Variants in MCCC1 observed in about 807,000 individuals in gnomAD.
MCCC1 encodes the protein methylcrotonoyl-CoA carboxylase subunit alpha, mitochondrial.
A neutral mutation model predicts 83.8 loss-of-function variants in MCCC1; 64 were observed. The observed-to-expected ratio is 0.76, with a 90% CI of 0.62 to 0.94. The LOEUF (loss-of-function observed/expected upper bound fraction) is 0.94. Among genes scored for constraint, MCCC1 ranks in the 40% least tolerant of loss-of-function variants. MCCC1 has a pLI of 0.00. For missense variants in MCCC1, 807 were observed against 904.7 expected, an observed-to-expected ratio of 0.89 and a Z score of 1.39; for synonymous variants, 322 against 315.4, an observed-to-expected ratio of 1.02 and a Z score of -0.22.
At chr3:183,049,339 C>T (rs1399452152) in intron 9 of MCCC1, among the ~76,000 whole-genome samples, 1 of 151,952 alleles carries the variant, frequency 6.6e-6, no homozygotes, top group African/African-American at 2.4e-5. Flanking sequence ...ACCTTGGCCA[C>T]AGCGGGCAGC....
intron 7 of MCCC1, among the ~76,000 whole-genome samples, chr3:183,060,399 A>G (rs938662939): frequency 5.3e-5 from 8 of 152,238 alleles, no homozygotes; most frequent in African/African-American, 9.6e-5. Flanking sequence ...ACTTAAGAAC[A>G]GAGGGGTAGA....
At chr3:183,065,887 T>C (rs1199573921) in intron 7 of MCCC1, among the ~76,000 whole-genome samples, 1 of 152,196 alleles carries the variant, frequency 6.6e-6, no homozygotes, top group Non-Finnish European at 1.5e-5. Context: ...TATAAAAGGT[T>C]TATGAGAACC....
chr3:183,090,962 A>G (rs1185444240), intron 3 of MCCC1: 2 of 456,550 alleles, frequency 4.4e-6, no homozygotes, highest in Non-Finnish European at 8.8e-6. Flanking sequence ...GGATGCAGAC[A>G]TAACTAAGTC....
chr3:183,105,083 G>C (rs966533136), intron 1 of MCCC1, among the ~76,000 whole-genome samples: 54 of 152,206 alleles, frequency 3.5e-4, no homozygotes, highest in African/African-American at 1.3e-3. Flanking sequence ...GGTGGCTCAC[G>C]CCTGTAATCC....
intron 4 of MCCC1, among the ~76,000 whole-genome samples, chr3:183,077,423 T>C (rs1416348354): frequency 2.6e-5 from 4 of 152,196 alleles, no homozygotes; most frequent in African/African-American, 9.6e-5. Context: ...TTTTTGATTA[T>C]AGCATCCTAG....
At position 183,015,416 on chromosome 3, in the gene MCCC1, C is replaced by T. The variant is rs1299712253; in HGVS notation, c.*22G>A. ...GGTGGAGAGAGAAGACACTACTTAA[C>T]TGGCCATTTCCTTGCTGGAGTTTAT... On this transcript the variant is annotated 3_prime_UTR_variant, in exon 19 of 19. Coordinates refer to ENST00000265594, the MANE Select transcript of MCCC1 (RefSeq NM_020166.5). The T allele has an allele frequency of 1.9e-6, 3 of 1,613,860 alleles. No individual in the cohort carries two copies. The highest frequency in any genetic ancestry group is 2.5e-6 in the Non-Finnish European group (3 of 1,179,856).
intron 18 of MCCC1, 112 bp downstream of exon 18, chr3:183,017,154 A>G (rs1400784095): frequency 1.0e-6 from 1 of 968,048 alleles, no homozygotes; most frequent in African/African-American, 1.6e-5. Flanking sequence ...TGCTTCGTCA[A>G]TCATGGCTTT....
upstream of MCCC1, among the ~76,000 whole-genome samples, chr3:183,102,442 T>G (rs1455166985): frequency 2.0e-5 from 3 of 152,158 alleles, no homozygotes; most frequent in Non-Finnish European, 4.4e-5. Context: ...GCAAGGTTTA[T>G]TCCAGAAGTA....
intron 4 of MCCC1, among the ~76,000 whole-genome samples, chr3:183,074,394 T>C (rs1716912875): frequency 6.6e-6 from 1 of 152,188 alleles, no homozygotes. Flanking sequence ...AAGACTTGGA[T>C]GATTTAATGA....
intron 1 of MCCC1, among the ~76,000 whole-genome samples, chr3:183,108,928 T>A (rs1474876966): frequency 3.9e-5 from 6 of 152,218 alleles, no homozygotes; most frequent in Non-Finnish European, 8.8e-5. Context: ...GCTGGGTTTT[T>A]AAAAAATTTT....
At chr3:183,105,719 T>C (rs984945575) in intron 1 of MCCC1, among the ~76,000 whole-genome samples, 1 of 152,094 alleles carries the variant, frequency 6.6e-6, no homozygotes, top group Non-Finnish European at 1.5e-5. Context: ...AAAAAAACTC[T>C]TACAAATAGA....
chr3:183,031,402 G>A (rs906004611), intron 14 of MCCC1, among the ~76,000 whole-genome samples: 45 of 151,152 alleles, frequency 3.0e-4, no homozygotes, highest in African/African-American at 1.0e-3. Context: ...AGAATAGCTT[G>A]CAAGCCTTGA....
intron 5 of MCCC1, among the ~76,000 whole-genome samples, chr3:183,072,047 T>C (rs1402923714): frequency 2.6e-5 from 4 of 151,932 alleles, no homozygotes; most frequent in African/African-American, 9.7e-5. Context: ...TTAAAAAATT[T>C]TGTAGAGACA....
At chr3:183,103,847 G>C (rs1294221321), upstream of MCCC1, among the ~76,000 whole-genome samples, 1 of 152,162 alleles carries the variant, frequency 6.6e-6, no homozygotes, top group African/African-American at 2.4e-5. Context: ...ACGGAGCGGG[G>C]GGAGGCTCAG....
At chr3:183,058,158 A>G (rs1410284230) in intron 7 of MCCC1, among the ~76,000 whole-genome samples, 1 of 152,208 alleles carries the variant, frequency 6.6e-6, no homozygotes, top group African/African-American at 2.4e-5. Context: ...CAAAAGACCA[A>G]TGAAAAATTT....
At chr3:183,110,454 C>T (rs552498028) in intron 1 of MCCC1, among the ~76,000 whole-genome samples, 12 of 150,842 alleles carry the variant, frequency 8.0e-5, no homozygotes, top group Non-Finnish European at 1.0e-4. Flanking sequence ...AGTGCAGTGC[C>T]GCGATCTCAG....
chr3:183,103,741 C>T (rs78332817), upstream of MCCC1, among the ~76,000 whole-genome samples: 6 of 152,342 alleles, frequency 3.9e-5, no homozygotes, highest in South Asian at 2.1e-4. Flanking sequence ...CCGCGCCGTG[C>T]GCCCGCACTC....
At chr3:183,081,992 A>C (rs1717541999) in intron 4 of MCCC1, among the ~76,000 whole-genome samples, 1 of 152,232 alleles carries the variant, frequency 6.6e-6, no homozygotes, top group Admixed American at 6.5e-5. Flanking sequence ...CCACAGAGCC[A>C]GAGCAGACAG....
In MCCC1 at chr3:183,099,482, G is replaced by A. The variant is rs887059444; in HGVS notation, c.-42C>T. 1.1e-5 allele frequency: 17 copies of A among 1,570,036 alleles called. No individual in the cohort carries two copies. The highest frequency in any genetic ancestry group is 1.4e-5 in the Non-Finnish European group (16 of 1,158,492). ...CACTCCGTGACTCCCCAGTACAGAG[G>A]CAGCTGCGTCCCACACGCCAAACCC... On this transcript the variant is annotated 5_prime_UTR_variant, in exon 1 of 19. Transcript: ENST00000265594.
Sources: gnomAD v4.1 joint callset for allele counts (sites outside exome capture counted in the v4.1 genomes callset) on GRCh38, gnomAD v4.1.1 for gene constraint, MANE v1.5 for transcripts, NCBI Gene and HGNC (gene_info 2026-07-23, HGNC 2026-07-21) for gene names.